The following GCA variants were observed in gnomAD, a reference collection of about 807,000 sequenced individuals.
GCA encodes grancalcin, also known as grancalcin, EF-hand calcium-binding protein.
GCA carries 30 observed loss-of-function variants against 32.6 expected under a neutral mutation model. That is an observed-to-expected ratio of 0.92 (90% CI 0.69 to 1.25). The LOEUF is 1.25. Among genes scored for constraint, GCA ranks in the 50% most tolerant of loss-of-function variants. The probability of loss-of-function intolerance (pLI) is 0.00; values close to 1 mark genes in which losing one functional copy is unlikely to be tolerated. For missense variants in GCA, 291 were observed against 266.8 expected (o/e 1.09, Z -0.63); for synonymous variants, 102 against 84.6 (o/e 1.21, Z -1.13).
intron 1 of GCA, among the ~76,000 whole-genome samples, chr2:162,335,472 T>C (rs1041172255): frequency 1.3e-5 from 2 of 151,566 alleles, no homozygotes; most frequent in Non-Finnish European, 2.9e-5. Flanking sequence ...CTGTAGCTAT[T>C]TGTAACAGTG....
chr2:162,344,396 C>A, intron 1 of GCA, 121 bp downstream of exon 1: 1 of 939,794 alleles, frequency 1.1e-6, no homozygotes, highest in Non-Finnish European at 1.7e-6. Context: ...TGGTACTCGG[C>A]GGCGCCGGAT....
chr2:162,342,570 C>T (rs1345755967), upstream of GCA, among the ~76,000 whole-genome samples: 1 of 152,182 alleles, frequency 6.6e-6, no homozygotes, highest in Non-Finnish European at 1.5e-5. Flanking sequence ...AGGCTGCTAG[C>T]AAACGTACCC....
At chr2:162,323,785 A>T (rs2105255178) in intron 1 of GCA, among the ~76,000 whole-genome samples, 1 of 152,014 alleles carries the variant, frequency 6.6e-6, no homozygotes, top group East Asian at 1.9e-4. Flanking sequence ...TTTTGGTACC[A>T]GTACCATGCT....
downstream of GCA, among the ~76,000 whole-genome samples, chr2:162,372,261 G>T (rs891851643): frequency 6.6e-6 from 1 of 152,060 alleles, no homozygotes; most frequent in African/African-American, 2.4e-5. Flanking sequence ...GTCGGAGATT[G>T]GTTATCAGTA....
intron 1 of GCA, among the ~76,000 whole-genome samples, chr2:162,321,061 T>C (rs1209262509): frequency 6.6e-6 from 1 of 152,158 alleles, no homozygotes; most frequent in Non-Finnish European, 1.5e-5. Flanking sequence ...AGGGACTTCT[T>C]TTTTAGGAAT....
chr2:162,356,415 T>G, intron 3 of GCA, 23 bp from the exon 4 acceptor site: 1 of 1,431,738 alleles, frequency 7.0e-7, no homozygotes, highest in African/African-American at 1.4e-5. Flanking sequence ...TACTCTAATT[T>G]AAATATTGAA....
chr2:162,340,856 A>G (rs991236438), upstream of GCA, among the ~76,000 whole-genome samples: 1 of 152,148 alleles, frequency 6.6e-6, no homozygotes, highest in Non-Finnish European at 1.5e-5. Flanking sequence ...TGTCTAACTC[A>G]TTCATGACCT....
chr2:162,332,741 C>T (rs1348245143), intron 1 of GCA, among the ~76,000 whole-genome samples: 1 of 151,464 alleles, frequency 6.6e-6, no homozygotes, highest in Non-Finnish European at 1.5e-5. Context: ...TTATGGAGAA[C>T]ATAAGGAAAT....
intron 3 of GCA, among the ~76,000 whole-genome samples, chr2:162,354,085 T>C (rs911493687): frequency 6.6e-6 from 1 of 152,218 alleles, no homozygotes; most frequent in Non-Finnish European, 1.5e-5. Context: ...TATATAACCT[T>C]TGTTTTTTCC....
At chr2:162,319,334 A>T in intron 1 of GCA, 1 of 426,088 alleles carries the variant, frequency 2.3e-6, no homozygotes, top group Admixed American at 2.5e-5. Context: ...ATGTGGATGG[A>T]CTTGAACCAC....
Position 162,360,718 on chromosome 2 carries a change from A to G in GCA, c.*475A>G, listed in dbSNP as rs1227081335. 7 of 1,382,058 alleles carry G rather than the reference A, an allele frequency of 5.1e-6. No individual in the cohort carries two copies. Among genetic ancestry groups the G allele is most frequent in the Admixed American group, 6.5e-5 (2 of 30,788 alleles). The allele number at this position is 1,382,058 out of a possible 1,614,324, so 85.6% of individuals were successfully genotyped here. ...CTGGATTTTGTGCCATGTTTGTAATATAGTTTGTTCCTTGATCAAATAATC... is the reference window on the plus strand; with the variant it reads ...CTGGATTTTGTGCCATGTTTGTAATGTAGTTTGTTCCTTGATCAAATAATC... On this transcript the variant is annotated 3_prime_UTR_variant, in exon 8 of 8. Coordinates refer to ENST00000437150, the MANE Select transcript of GCA (RefSeq NM_012198.5).
At chr2:162,363,510 T>G (rs970750509), downstream of GCA, among the ~76,000 whole-genome samples, 12 of 151,282 alleles carry the variant, frequency 7.9e-5, no homozygotes, top group Admixed American at 7.9e-4. Flanking sequence ...AAGTTATGAG[T>G]GCAGACAGGA....
intron 1 of GCA, among the ~76,000 whole-genome samples, chr2:162,325,685 C>T (rs1683849560): frequency 6.6e-6 from 1 of 152,158 alleles, no homozygotes; most frequent in East Asian, 1.9e-4. Context: ...TTCCCTGACA[C>T]TATATGTGAT....
chr2:162,341,879 T>C (rs1312302166), upstream of GCA, among the ~76,000 whole-genome samples: 1 of 152,158 alleles, frequency 6.6e-6, no homozygotes, highest in African/African-American at 2.4e-5. Context: ...TTCACATTTG[T>C]AAAGTGGGAA....
chr2:162,332,500 A>C (rs1684131543), intron 1 of GCA, among the ~76,000 whole-genome samples: 1 of 151,766 alleles, frequency 6.6e-6, no homozygotes, highest in Non-Finnish European at 1.5e-5. Context: ...AAAAGTCCAC[A>C]ATGTCTTTAA....
At chr2:162,371,923 A>G (rs766264346), downstream of GCA, 3 of 1,613,914 alleles carry the variant, frequency 1.9e-6, no homozygotes, top group Non-Finnish European at 2.5e-6. Flanking sequence ...AGGATGCCTA[A>G]TTGGATGAAC....
chr2:162,331,464 A>T (rs1374778756), intron 1 of GCA, among the ~76,000 whole-genome samples: 1 of 152,238 alleles, frequency 6.6e-6, no homozygotes, highest in Non-Finnish European at 1.5e-5. Context: ...TCCCCAATGC[A>T]ACAGTGTTAA....
intron 3 of GCA, among the ~76,000 whole-genome samples, chr2:162,353,847 G>A (rs886677292): frequency 1.7e-4 from 26 of 152,212 alleles, no homozygotes; most frequent in African/African-American, 6.3e-4. Context: ...TTCTTGGAAT[G>A]CTTTTTGTTT....
intron 2 of GCA, among the ~76,000 whole-genome samples, chr2:162,349,486 G>A (rs1439519418): frequency 6.6e-6 from 1 of 151,910 alleles, no homozygotes; most frequent in Non-Finnish European, 1.5e-5. Context: ...ATGTGTTAAT[G>A]AAACATTTGG....
Sources: allele counts gnomAD v4.1 joint callset (sites outside exome capture counted in the v4.1 genomes callset), GRCh38; gene constraint gnomAD v4.1.1; transcripts MANE v1.5; gene names NCBI Gene and HGNC (gene_info 2026-07-23, HGNC 2026-07-21).